COMMD10: variants seen among roughly 807,000 people sequenced by gnomAD.
COMMD10 encodes COMM domain-containing protein 10.
A neutral mutation model predicts 28.9 loss-of-function variants in COMMD10; 33 were observed. The observed-to-expected ratio is 1.14, with a 90% CI of 0.87 to 1.53. The LOEUF (loss-of-function observed/expected upper bound fraction) is 1.53, where lower values mean the gene tolerates loss of function less well. Ranked by LOEUF, COMMD10 falls within the 40% of genes most tolerant of loss-of-function variation. The probability of loss-of-function intolerance (pLI) is 0.00; values close to 1 mark genes in which losing one functional copy is unlikely to be tolerated. For synonymous variants in COMMD10, 110 were observed against 81.7 expected, an observed-to-expected ratio of 1.35 and a Z score of -1.87; for missense variants, 310 against 233.4, an observed-to-expected ratio of 1.33 and a Z score of -2.14.
chr5:116,127,768 G>T (rs1580469343), intron 4 of COMMD10, among the ~76,000 whole-genome samples: 1 of 152,210 alleles, frequency 6.6e-6, no homozygotes, highest in East Asian at 1.9e-4. Context: ...ACACACTGGG[G>T]CCTGTCTTGT....
intron 5 of COMMD10, among the ~76,000 whole-genome samples, chr5:116,290,288 A>G (rs774141775): frequency 5.3e-5 from 8 of 151,936 alleles, no homozygotes; most frequent in Non-Finnish European, 1.2e-4. Context: ...TTTTTCTAAT[A>G]TAGTATAAAA....
Position 116,206,638 on chromosome 5 carries a change from G to T in COMMD10, c.510+72460G>T, listed in dbSNP as rs547486163. ...TTGTACTCCAGCTTGGGCAACAAGA[G>T]TGAAACTCCATCTCAAAAAAAGAAA... On this transcript the variant is annotated intron_variant, in intron 5 of 6. Coordinates refer to ENST00000274458, the MANE Select transcript of COMMD10 (RefSeq NM_016144.4). Among the ~76,000 whole-genome samples, 12 of 152,064 alleles carry T rather than the reference G, an allele frequency of 7.9e-5. 1 individual carries two copies. The South Asian group carries it at 2.1e-3, about 26-fold the overall frequency.
At chr5:116,161,937 A>G (rs1408370391) in intron 5 of COMMD10, among the ~76,000 whole-genome samples, 1 of 152,180 alleles carries the variant, frequency 6.6e-6, no homozygotes, top group Non-Finnish European at 1.5e-5. Context: ...ATATGCTGCT[A>G]GTTACAGCAT....
At chr5:116,197,710 A>G (rs10037375) in intron 5 of COMMD10, among the ~76,000 whole-genome samples, 90,135 of 151,988 alleles carry the variant, frequency 0.59, 30,868 homozygotes, top group South Asian at 0.77. Context: ...TGAAACAGAA[A>G]ATTCATGAAA....
intron 5 of COMMD10, among the ~76,000 whole-genome samples, chr5:116,171,170 T>C (rs1013986797): frequency 4.6e-5 from 7 of 152,000 alleles, no homozygotes; most frequent in Admixed American, 4.6e-4. Flanking sequence ...GGGCAAAGGA[T>C]AGGAACAGAC....
At chr5:116,090,930 T>C in intron 2 of COMMD10, 149 bp from the exon 3 acceptor site, 3 of 548,624 alleles carry the variant, frequency 5.5e-6, no homozygotes, top group Non-Finnish European at 6.6e-6. Flanking sequence ...TCATATGTTT[T>C]ATAAATTTAC....
intron 1 of COMMD10, among the ~76,000 whole-genome samples, chr5:116,086,259 C>T (rs776879370): frequency 1.1e-4 from 16 of 152,196 alleles, no homozygotes; most frequent in Non-Finnish European, 2.1e-4. Flanking sequence ...TATTTTCCTG[C>T]CTCACTTTGG....
chr5:116,197,302 T>C (rs1181578288), intron 5 of COMMD10, among the ~76,000 whole-genome samples: 3 of 152,180 alleles, frequency 2.0e-5, no homozygotes, highest in African/African-American at 7.2e-5. Flanking sequence ...AAAATGTCAT[T>C]GTATTAATAT....
chr5:116,172,865 G>C (rs187839098), intron 5 of COMMD10, among the ~76,000 whole-genome samples: 1 of 152,116 alleles, frequency 6.6e-6, no homozygotes. Context: ...TGAAATTTCA[G>C]TGTTCTTGCA....
At chr5:116,157,684 C>T (rs1015749607) in intron 5 of COMMD10, among the ~76,000 whole-genome samples, 2 of 152,160 alleles carry the variant, frequency 1.3e-5, no homozygotes, top group South Asian at 2.1e-4. Flanking sequence ...TGCAAAGTCA[C>T]ACTTCAAAGG....
Position 116,207,397 on chromosome 5 carries a change from T to C in COMMD10, c.510+73219T>C, listed in dbSNP as rs147015678. Among the ~76,000 whole-genome samples the C allele has an allele frequency of 1.1e-3, 161 of 152,310 alleles. 2 individuals are homozygous for C. The East Asian group carries it at 0.025, about 24-fold the overall frequency. On this transcript the variant is annotated intron_variant, in intron 5 of 6. Coordinates refer to ENST00000274458, the MANE Select transcript of COMMD10 (RefSeq NM_016144.4). ...TGAATATAGTGAGAGATCTGTTACT[T>C]TCTGGATTCTTCTTTTTGGTCCTTC...
At chr5:116,207,848 C>T (rs1748855031) in intron 5 of COMMD10, among the ~76,000 whole-genome samples, 1 of 152,154 alleles carries the variant, frequency 6.6e-6, no homozygotes, top group African/African-American at 2.4e-5. Context: ...GTATCACACT[C>T]CCAACCTTTA....
intron 5 of COMMD10, among the ~76,000 whole-genome samples, chr5:116,197,115 A>AT (rs1345472585): frequency 6.6e-6 from 1 of 151,976 alleles, no homozygotes; most frequent in Non-Finnish European, 1.5e-5. Context: ...CCCTTTTGGC[A>AT]TTTTTTAATG....
intron 6 of COMMD10, 99 bp downstream of exon 6, chr5:116,291,675 C>T: frequency 1.5e-6 from 1 of 660,076 alleles, no homozygotes; most frequent in Non-Finnish European, 2.5e-6. Flanking sequence ...TATTATGGAA[C>T]TAAGTTCTTT....
At chr5:116,259,653 G>T (rs1490669952) in intron 5 of COMMD10, among the ~76,000 whole-genome samples, 7 of 151,680 alleles carry the variant, frequency 4.6e-5, no homozygotes, top group Non-Finnish European at 1.0e-4. Context: ...CTTGTACTAT[G>T]TAGATTCTCA....
At chr5:116,235,324 T>G (rs1321720799) in intron 5 of COMMD10, among the ~76,000 whole-genome samples, 1 of 152,202 alleles carries the variant, frequency 6.6e-6, no homozygotes, top group Non-Finnish European at 1.5e-5. Context: ...GGCTGCAAAT[T>G]GTAGGCATGT....
intron 5 of COMMD10, among the ~76,000 whole-genome samples, chr5:116,202,132 C>A (rs1275311197): frequency 6.7e-6 from 1 of 149,850 alleles, no homozygotes; most frequent in East Asian, 2.0e-4. Context: ...TGAGAACATG[C>A]AGTGTTTGTT....
chr5:116,192,359 T>C (rs1006718531), intron 5 of COMMD10, among the ~76,000 whole-genome samples: 1 of 151,002 alleles, frequency 6.6e-6, no homozygotes, highest in African/African-American at 2.4e-5. Context: ...AGGTGAGTTA[T>C]TTAGGTAATC....
At chr5:116,113,383 T>C (rs1328065918) in intron 4 of COMMD10, among the ~76,000 whole-genome samples, 2 of 151,530 alleles carry the variant, frequency 1.3e-5, no homozygotes, top group Non-Finnish European at 2.9e-5. Flanking sequence ...TTTCAATCTA[T>C]TATTTTGTTA....
Sources: allele counts gnomAD v4.1 joint callset (sites outside exome capture counted in the v4.1 genomes callset), GRCh38; gene constraint gnomAD v4.1.1; transcripts MANE v1.5; gene names NCBI Gene and HGNC (gene_info 2026-07-23, HGNC 2026-07-21).